The following ADAMTS12 variants were observed in gnomAD, a reference collection of about 807,000 sequenced individuals.
ADAMTS12 encodes the protein ADAM metallopeptidase with thrombospondin type 1 motif 12, also known as A disintegrin and metalloproteinase with thrombospondin motifs 12.
Under a neutral mutation model 167.8 loss-of-function variants are expected in ADAMTS12, and 118 were observed. That is an observed-to-expected ratio of 0.70 (90% confidence interval 0.61 to 0.82). The LOEUF (loss-of-function observed/expected upper bound fraction) is 0.82. Ranked by LOEUF, ADAMTS12 falls within the 40% of genes least tolerant of loss-of-function variation. The pLI is 0.00. For synonymous variants in ADAMTS12, 704 were observed against 716.9 expected, an observed-to-expected ratio of 0.98 and a Z score of 0.29; for missense variants, 1,916 against 1,998.8, an observed-to-expected ratio of 0.96 and a Z score of 0.79.
intron 2 of ADAMTS12, among the ~76,000 whole-genome samples, chr5:33,848,909 G>GAT (rs985226557): frequency 1.3e-5 from 2 of 151,014 alleles, no homozygotes; most frequent in South Asian, 2.1e-4. Context: ...ACACACACAT[G>GAT]ATATATATAT....
chr5:33,679,726 T>G (rs929818509), intron 5 of ADAMTS12, among the ~76,000 whole-genome samples: 4 of 152,214 alleles, frequency 2.6e-5, no homozygotes, highest in African/African-American at 7.2e-5. Context: ...AGACTCAAAG[T>G]TCCTCAGAAT....
At chr5:33,883,327 G>GTTTTTTTTTTTGGTTTTTTTT (rs1750519845) in intron 1 of ADAMTS12, among the ~76,000 whole-genome samples, 3 of 111,598 alleles carry the variant, frequency 2.7e-5, no homozygotes, top group Admixed American at 8.8e-5. Context: ...TTTTTTTTTT[G>GTTTTTTTTTTTGGTTTTTTTT]TTTTTTTTTT....
chr5:33,549,992 C>T (rs1745174904), intron 20 of ADAMTS12, among the ~76,000 whole-genome samples: 1 of 152,220 alleles, frequency 6.6e-6, no homozygotes, highest in South Asian at 2.1e-4. Context: ...CTGTCCTTGC[C>T]TCCACCGTCA....
intron 2 of ADAMTS12, among the ~76,000 whole-genome samples, chr5:33,782,408 G>A (rs1189181113): frequency 6.6e-6 from 1 of 151,986 alleles, no homozygotes; most frequent in African/African-American, 2.4e-5. Context: ...CATGAGACAT[G>A]AAGAAATAAA....
intron 16 of ADAMTS12, among the ~76,000 whole-genome samples, chr5:33,605,000 A>G (rs1738367131): frequency 6.6e-6 from 1 of 152,256 alleles, no homozygotes; most frequent in Non-Finnish European, 1.5e-5. Context: ...AAGCTTTAAA[A>G]TAAGCATGTT....
At chr5:33,823,690 AG>A (rs1317711123) in intron 2 of ADAMTS12, among the ~76,000 whole-genome samples, 2 of 151,084 alleles carry the variant, frequency 1.3e-5, no homozygotes, top group Non-Finnish European at 2.9e-5. Context: ...TCACATGTTT[AG>A]GTGGAAACTC....
intron 2 of ADAMTS12, among the ~76,000 whole-genome samples, chr5:33,873,166 TA>T (rs77165421): frequency 0.023 from 2,794 of 120,766 alleles, 19 homozygotes; most frequent in Non-Finnish European, 0.031. Context: ...TATGTAGATT[TA>T]AAAAAAAAAA....
At chr5:33,557,561 T>A (rs1745540577) in intron 20 of ADAMTS12, among the ~76,000 whole-genome samples, 1 of 152,166 alleles carries the variant, frequency 6.6e-6, no homozygotes, top group South Asian at 2.1e-4. Context: ...GCCCAGGAGG[T>A]TGAGGCTGGA....
rs10058544 is a variant in ADAMTS12 at position 33,546,291 on chromosome 5, A to G, written c.4303-89T>C. 6.1e-3 allele frequency: 8,013 copies of G among 1,303,326 alleles called. 375 individuals are homozygous for G. In the African/African-American group the frequency reaches 0.1, roughly 17 times the overall value. The allele number at this position is 1,303,326 out of a possible 1,614,324, so 80.7% of individuals were successfully genotyped here. On this transcript the variant is annotated intron_variant, in intron 21 of 23. Transcript: ENST00000504830. ...AGAACTTCGTACTGTCATTTTTGTT[A>G]TGTACAGTGTTACTAGGAATATTGG... is the stretch of plus-strand genomic sequence containing the variant.
At chr5:33,829,503 C>T (rs1345860451) in intron 2 of ADAMTS12, among the ~76,000 whole-genome samples, 1 of 152,172 alleles carries the variant, frequency 6.6e-6, no homozygotes, top group Non-Finnish European at 1.5e-5. Context: ...CAGCACACAG[C>T]TAGCTGCCTG....
intron 3 of ADAMTS12, among the ~76,000 whole-genome samples, chr5:33,721,695 A>T (rs1052711345): frequency 2.0e-4 from 31 of 152,352 alleles, no homozygotes; most frequent in African/African-American, 7.5e-4. Context: ...AAATATTTTA[A>T]TCCTGCATCC....
intron 22 of ADAMTS12, among the ~76,000 whole-genome samples, chr5:33,540,589 C>A (rs1449293690): frequency 2.0e-5 from 3 of 152,182 alleles, no homozygotes; most frequent in South Asian, 2.1e-4. Flanking sequence ...AGGCAGCTGA[C>A]CCTCTGGGAC....
intron 2 of ADAMTS12, among the ~76,000 whole-genome samples, chr5:33,801,206 A>G (rs1746994922): frequency 6.6e-6 from 1 of 152,202 alleles, no homozygotes; most frequent in Admixed American, 6.5e-5. Flanking sequence ...TGGCCTCTAG[A>G]ACTAAGAGAA....
rs1390280252 is a variant in ADAMTS12, at chr5:33,561,105, C to T, written c.4047G>A (p.Ala1349=). The T allele has an allele frequency of 5.6e-6, 9 of 1,614,006 alleles. No individual in the cohort carries two copies. The highest frequency in any genetic ancestry group is 4.0e-5 in the African/African-American group (3 of 74,908). ...ECSTQMDSDC[A]AIQRPDPAKR... ...TTGCAGGGTCAGGTCTCTGGATGGCCGCACAGTCAGAATCCATCTGGGTGC... is the reference window on the plus strand; with the variant it reads ...TTGCAGGGTCAGGTCTCTGGATGGCTGCACAGTCAGAATCCATCTGGGTGC... Residue 1349 remains alanine (A), a synonymous_variant, in exon 20 of 24, where the codon GCG becomes GCA. Transcript: ENST00000504830.
At chr5:33,716,602 GTTAA>G (rs1743624263) in intron 3 of ADAMTS12, among the ~76,000 whole-genome samples, 1 of 152,000 alleles carries the variant, frequency 6.6e-6, no homozygotes, top group Non-Finnish European at 1.5e-5. Context: ...TCATTATTGA[GTTAA>G]TTAAAACCTG....
intron 3 of ADAMTS12, among the ~76,000 whole-genome samples, chr5:33,746,531 C>T (rs539014669): frequency 6.6e-6 from 1 of 152,206 alleles, no homozygotes; most frequent in Non-Finnish European, 1.5e-5. Context: ...TATTCTTAAA[C>T]ATCCTCCAGT....
chr5:33,803,007 A>G (rs888632773), intron 2 of ADAMTS12, among the ~76,000 whole-genome samples: 2 of 152,182 alleles, frequency 1.3e-5, no homozygotes, highest in African/African-American at 2.4e-5. Flanking sequence ...AGACTTACCC[A>G]TAATCAGCAA....
chr5:33,801,293 G>A (rs765381702), intron 2 of ADAMTS12, among the ~76,000 whole-genome samples: 3 of 152,204 alleles, frequency 2.0e-5, no homozygotes, highest in Non-Finnish European at 2.9e-5. Context: ...CAGGTGGGTA[G>A]CCTGAAATCA....
At chr5:33,586,114 C>A (rs1011008196) in intron 18 of ADAMTS12, among the ~76,000 whole-genome samples, 11 of 152,080 alleles carry the variant, frequency 7.2e-5, no homozygotes. Context: ...CAGTGCAGAC[C>A]AAATGATGGC....
Sources: allele counts gnomAD v4.1 joint callset (sites outside exome capture counted in the v4.1 genomes callset), GRCh38; gene constraint gnomAD v4.1.1; transcripts MANE v1.5; gene names NCBI Gene and HGNC (gene_info 2026-07-23, HGNC 2026-07-21).